The following CSMD1 variants were observed in gnomAD, a reference collection of about 807,000 sequenced individuals.
CSMD1 encodes the protein CUB and Sushi multiple domains 1.
CSMD1 carries 213 observed loss-of-function variants against 417.5 expected under a neutral mutation model. The observed-to-expected ratio is 0.51, with a 90% confidence interval of 0.46 to 0.57. The LOEUF (loss-of-function observed/expected upper bound fraction) is 0.57. CSMD1 is among the 20% of genes least tolerant of loss of function. CSMD1 has a pLI of 0.00. For missense variants in CSMD1, 6,923 were observed against 4,529.7 expected (o/e 1.53, Z -15.17); for synonymous variants, 2,862 against 1,736.8 (o/e 1.65, Z -16.11).
chr8:4,006,221 A>G (rs1698235851), intron 4 of CSMD1, among the ~76,000 whole-genome samples: 1 of 152,140 alleles, frequency 6.6e-6, no homozygotes, highest in Non-Finnish European at 1.5e-5. Flanking sequence ...GGACAGAAAT[A>G]TATTGACTTT....
At chr8:3,472,326 G>C (rs35473038) in intron 11 of CSMD1, among the ~76,000 whole-genome samples, 2 of 151,842 alleles carry the variant, frequency 1.3e-5, no homozygotes, top group African/African-American at 2.4e-5. Context: ...TTTAACTATT[G>C]TAAGTGTGTA....
chr8:4,629,974 C>T (rs1196002775), intron 2 of CSMD1, among the ~76,000 whole-genome samples: 1 of 152,080 alleles, frequency 6.6e-6, no homozygotes, highest in African/African-American at 2.4e-5. Flanking sequence ...AATACTTTTC[C>T]ACACACCTGT....
At chr8:4,217,918 CA>C (rs1159166622) in intron 3 of CSMD1, among the ~76,000 whole-genome samples, 2 of 152,106 alleles carry the variant, frequency 1.3e-5, no homozygotes, top group Non-Finnish European at 2.9e-5. Context: ...AGAAGAAGAA[CA>C]AGATTCAGGA....
chr8:3,143,868 C>T (rs1818669275), intron 40 of CSMD1, among the ~76,000 whole-genome samples: 1 of 152,172 alleles, frequency 6.6e-6, no homozygotes, highest in African/African-American at 2.4e-5. Flanking sequence ...AACACATCCA[C>T]TCAGGTGTCA....
Position 4,943,268 on chromosome 8 carries a change from G to A in CSMD1, c.85+51064C>T, listed in dbSNP as rs546167060. 1.4e-4 allele frequency among the ~76,000 whole-genome samples: 21 copies of A among 152,164 alleles called. No individual in the cohort carries two copies. In the East Asian group the frequency reaches 3.7e-3, roughly 27 times the overall value. On this transcript the variant is annotated intron_variant, in intron 1 of 69. Transcript: ENST00000635120. Reference sequence around the variant, plus strand: ...CCCAGCACTTTGGGCGGCCCAGGCGGGCAGATCACGAGGTCAGGAGATCAA... The same window carrying A: ...CCCAGCACTTTGGGCGGCCCAGGCGAGCAGATCACGAGGTCAGGAGATCAA...
intron 10 of CSMD1, among the ~76,000 whole-genome samples, chr8:3,551,326 T>A (rs1006530366): frequency 2.0e-5 from 3 of 152,164 alleles, no homozygotes; most frequent in South Asian, 2.1e-4. Context: ...TGTGAATGTT[T>A]TGAAAGCCAA....
chr8:4,323,441 C>G (rs113714781), intron 3 of CSMD1, among the ~76,000 whole-genome samples: 2 of 152,008 alleles, frequency 1.3e-5, no homozygotes, highest in Non-Finnish European at 2.9e-5. Flanking sequence ...CCATTTGATT[C>G]AAAGTAACCA....
chr8:3,589,427 G>A (rs1458398955), intron 8 of CSMD1, among the ~76,000 whole-genome samples: 2 of 151,674 alleles, frequency 1.3e-5, no homozygotes, highest in Non-Finnish European at 2.9e-5. Flanking sequence ...TGTACACAAT[G>A]GAATACTATT....
chr8:4,431,907 T>C (rs1238135933), intron 2 of CSMD1, among the ~76,000 whole-genome samples: 2 of 152,216 alleles, frequency 1.3e-5, no homozygotes, highest in Non-Finnish European at 2.9e-5. Flanking sequence ...GAATGATATG[T>C]AACAATTGGG....
chr8:3,110,253 G>T lies in CSMD1; in HGVS notation c.6513C>A (p.Asp2171Glu), dbSNP rs754857335. The change falls in exon 43 of 70, where the codon GAC becomes GAA. Residue 2171 changes from aspartate to glutamate, a missense_variant. Asp to Glu is a conservative substitution (Grantham distance 45). Transcript: ENST00000635120. ...GAGGCACCGTGATGAGCCAAATGCAGTCCTTCAGGATCGGATACTCATCAG... is the reference window on the plus strand; with the variant it reads ...GAGGCACCGTGATGAGCCAAATGCATTCCTTCAGGATCGGATACTCATCAG... ...GFPDEYPILK[D>E]CIWLITVPPG... The T allele has an allele frequency of 3.7e-6, 6 of 1,613,378 alleles. No individual in the cohort carries two copies. In the East Asian group the frequency reaches 6.7e-5, roughly 18 times the overall value.
chr8:3,770,480 G>A (rs547935370), intron 5 of CSMD1, among the ~76,000 whole-genome samples: 1 of 152,090 alleles, frequency 6.6e-6, no homozygotes, highest in Admixed American at 6.6e-5. Context: ...AGTGAGCCAA[G>A]ATCACACCAC....
intron 6 of CSMD1, among the ~76,000 whole-genome samples, chr8:3,740,821 C>G (rs1796763485): frequency 6.6e-6 from 1 of 152,104 alleles, no homozygotes; most frequent in Non-Finnish European, 1.5e-5. Context: ...GGAGGCTATG[C>G]AGGCAACAGA....
intron 2 of CSMD1, among the ~76,000 whole-genome samples, chr8:4,448,683 A>G (rs1440903271): frequency 6.6e-6 from 1 of 152,202 alleles, no homozygotes; most frequent in Non-Finnish European, 1.5e-5. Context: ...CTCAGTAGGA[A>G]AGGTCATATA....
chr8:4,635,265 A>T (rs1020003957), intron 2 of CSMD1, among the ~76,000 whole-genome samples: 1 of 152,184 alleles, frequency 6.6e-6, no homozygotes, highest in African/African-American at 2.4e-5. Flanking sequence ...ACAGGTATCA[A>T]TTTATTTACT....
At chr8:3,369,678 G>A (rs538136248) in intron 18 of CSMD1, among the ~76,000 whole-genome samples, 121 of 152,304 alleles carry the variant, frequency 7.9e-4, no homozygotes, top group Non-Finnish European at 1.5e-3. Context: ...CCTGAGAGCC[G>A]CTGGTCTTCT....
At chr8:4,173,554 A>T (rs1411924745) in intron 3 of CSMD1, among the ~76,000 whole-genome samples, 5 of 152,154 alleles carry the variant, frequency 3.3e-5, no homozygotes, top group Non-Finnish European at 5.9e-5. Flanking sequence ...AAGGAGAAAG[A>T]TAAAATTATC....
intron 41 of CSMD1, among the ~76,000 whole-genome samples, chr8:3,137,696 T>G (rs1161770600): frequency 1.3e-5 from 2 of 152,208 alleles, no homozygotes; most frequent in Non-Finnish European, 2.9e-5. Flanking sequence ...GCAAATGCCG[T>G]GTAAATAGTT....
At chr8:4,026,216 T>C (rs1797057361) in intron 4 of CSMD1, among the ~76,000 whole-genome samples, 2 of 152,184 alleles carry the variant, frequency 1.3e-5, no homozygotes, top group East Asian at 1.9e-4. Context: ...TCCAAATCCA[T>C]GAGAAACTGT....
At chr8:2,980,081 G>A (rs1805272986) in intron 54 of CSMD1, among the ~76,000 whole-genome samples, 2 of 152,202 alleles carry the variant, frequency 1.3e-5, no homozygotes, top group African/African-American at 4.8e-5. Context: ...ACTTTCATAA[G>A]GAGACGGACA....
Sources: allele counts gnomAD v4.1 joint callset (sites outside exome capture counted in the v4.1 genomes callset), GRCh38; gene constraint gnomAD v4.1.1; transcripts MANE v1.5; gene names NCBI Gene and HGNC (gene_info 2026-07-23, HGNC 2026-07-21).